Variants in ASTN2 observed in about 807,000 individuals in gnomAD.
ASTN2 encodes the protein astrotactin 2, also known as astrotactin-2.
A neutral mutation model predicts 139.8 loss-of-function variants in ASTN2; 54 were observed. The observed-to-expected ratio is 0.39, with a 90% CI of 0.31 to 0.48. The LOEUF is 0.48. ASTN2 is among the 20% of genes least tolerant of loss of function. The pLI, the probability that ASTN2 is intolerant of heterozygous loss-of-function variation, is 0.95. For synonymous variants in ASTN2, 756 were observed against 719.5 expected (o/e 1.05, Z -0.81); for missense variants, 1,565 against 1,725.1 (o/e 0.91, Z 1.64).
At chr9:116,676,312 T>G (rs1090028) in intron 16 of ASTN2, among the ~76,000 whole-genome samples, 1 of 151,950 alleles carries the variant, frequency 6.6e-6, no homozygotes, top group African/African-American at 2.4e-5. Flanking sequence ...AAAGGATTTG[T>G]GAGACTAGTC....
chr9:117,018,896 G>C (rs909498046), intron 6 of ASTN2, among the ~76,000 whole-genome samples: 3 of 152,058 alleles, frequency 2.0e-5, no homozygotes, highest in African/African-American at 7.2e-5. Context: ...AAGGAAATTG[G>C]AGCTAAAAGA....
chr9:117,179,419 C>T (rs560131875), intron 3 of ASTN2, among the ~76,000 whole-genome samples: 111 of 152,092 alleles, frequency 7.3e-4, no homozygotes, highest in African/African-American at 2.6e-3. Flanking sequence ...AGCTTGTTGC[C>T]GTTTCCATCT....
At chr9:116,426,118 AAAG>A (rs1428286730) in intron 22 of ASTN2, 30 bp from the exon 23 acceptor site, 1 of 1,607,154 alleles carries the variant, frequency 6.2e-7, no homozygotes. Context: ...AGCCATGATT[AAAG>A]AAGTCCAGAT....
chr9:116,749,451 G>T (rs555607929), intron 13 of ASTN2, among the ~76,000 whole-genome samples: 1 of 152,164 alleles, frequency 6.6e-6, no homozygotes, highest in South Asian at 2.1e-4. Flanking sequence ...AATCCTTCCC[G>T]CCCGCCACTG....
intron 10 of ASTN2, among the ~76,000 whole-genome samples, chr9:116,899,581 C>A (rs963889659): frequency 6.6e-6 from 1 of 152,178 alleles, no homozygotes; most frequent in Non-Finnish European, 1.5e-5. Context: ...TTGCTTCTAA[C>A]CTCCAAGCTA....
intron 5 of ASTN2, among the ~76,000 whole-genome samples, chr9:117,088,357 C>T (rs1828621342): frequency 6.6e-6 from 1 of 152,192 alleles, no homozygotes; most frequent in African/African-American, 2.4e-5. Context: ...TCAGCTTTCA[C>T]TTCATCCCAT....
At chr9:117,376,618 G>C (rs1407746091) in intron 1 of ASTN2, among the ~76,000 whole-genome samples, 1 of 152,154 alleles carries the variant, frequency 6.6e-6, no homozygotes, top group African/African-American at 2.4e-5. Flanking sequence ...ATTTGTGGGA[G>C]GAGCGAAGCC....
chr9:116,953,240 T>C (rs148011376), intron 10 of ASTN2, among the ~76,000 whole-genome samples: 1 of 152,372 alleles, frequency 6.6e-6, no homozygotes, highest in African/African-American at 2.4e-5. Context: ...ATAAGGAAAC[T>C]GAGGCCTAAC....
chr9:116,938,411 A>T (rs541182806), intron 10 of ASTN2, among the ~76,000 whole-genome samples: 2 of 152,252 alleles, frequency 1.3e-5, no homozygotes, highest in African/African-American at 4.8e-5. Flanking sequence ...ACCCTCCGAA[A>T]TCATGCACCT....
rs1828855580 is a variant in ASTN2 at position 116,733,974 on chromosome 9, T to C, written c.2397-451A>G. Among the ~76,000 whole-genome samples the C allele has an allele frequency of 1.3e-5, 2 of 152,084 alleles. 1 individual carries two copies. The highest frequency in any genetic ancestry group is 4.8e-5 in the African/African-American group (2 of 41,392). On this transcript the variant is annotated intron_variant, in intron 13 of 22. Transcript: ENST00000313400. Reference sequence around the variant, plus strand: ...TGAGAACTGAGAATAGTGCGTAGTGTTTGCAGAACAAGGGGCAAGACTAGG... The same window carrying C: ...TGAGAACTGAGAATAGTGCGTAGTGCTTGCAGAACAAGGGGCAAGACTAGG...
At chr9:117,337,306 T>C (rs3924642) in intron 1 of ASTN2, among the ~76,000 whole-genome samples, 11,073 of 152,222 alleles carry the variant, frequency 0.073, 556 homozygotes, top group Non-Finnish European at 0.1. Flanking sequence ...CACAGGGCAA[T>C]GACCTGTGAT....
chr9:116,470,014 G>A (rs943139112), intron 20 of ASTN2, among the ~76,000 whole-genome samples: 1 of 151,938 alleles, frequency 6.6e-6, no homozygotes, highest in African/African-American at 2.4e-5. Context: ...AGACCAGCCT[G>A]ACCAACATGG....
chr9:116,921,521 G>T (rs1834604953), intron 10 of ASTN2, among the ~76,000 whole-genome samples: 1 of 150,196 alleles, frequency 6.7e-6, no homozygotes, highest in African/African-American at 2.5e-5. Context: ...CTGGGAAGCG[G>T]AGCTTGCAGT....
chr9:117,400,981 G>A (rs1830812246), intron 1 of ASTN2, among the ~76,000 whole-genome samples: 1 of 152,132 alleles, frequency 6.6e-6, no homozygotes, highest in African/African-American at 2.4e-5. Context: ...TGCAAAAGAG[G>A]TAGGGAGGGG....
intron 2 of ASTN2, among the ~76,000 whole-genome samples, chr9:117,216,469 T>C (rs978801880): frequency 2.6e-5 from 4 of 152,186 alleles, no homozygotes; most frequent in Non-Finnish European, 4.4e-5. Flanking sequence ...TGTCATAACA[T>C]AAAAACAAAT....
At chr9:116,972,153 G>A (rs1289877710) in intron 10 of ASTN2, among the ~76,000 whole-genome samples, 1 of 152,064 alleles carries the variant, frequency 6.6e-6, no homozygotes, top group Non-Finnish European at 1.5e-5. Context: ...TCACCCAGAA[G>A]TAATCTCTAT....
intron 19 of ASTN2, among the ~76,000 whole-genome samples, chr9:116,500,369 G>A (rs1476440857): frequency 6.6e-6 from 1 of 152,194 alleles, no homozygotes; most frequent in Admixed American, 6.5e-5. Flanking sequence ...GTGGGTAGCT[G>A]AAGAGGTACT....
intron 11 of ASTN2, among the ~76,000 whole-genome samples, chr9:116,840,603 C>A (rs1385838958): frequency 8.8e-5 from 2 of 22,610 alleles, no homozygotes; most frequent in Admixed American, 1.0e-3. Flanking sequence ...CGGGCGGAGA[C>A]GCTCCTCACT....
chr9:116,468,902 A>G (rs551574619), intron 20 of ASTN2, among the ~76,000 whole-genome samples: 3 of 152,340 alleles, frequency 2.0e-5, no homozygotes, highest in African/African-American at 7.2e-5. Flanking sequence ...AACTTTGCAC[A>G]TATGACCTCC....
Sources: gnomAD v4.1 joint callset for allele counts (sites outside exome capture counted in the v4.1 genomes callset) on GRCh38, gnomAD v4.1.1 for gene constraint, MANE v1.5 for transcripts, NCBI Gene and HGNC (gene_info 2026-07-23, HGNC 2026-07-21) for gene names.